DISC1: variants seen among roughly 807,000 people sequenced by gnomAD.
DISC1 encodes the protein disrupted in schizophrenia 1 protein.
Under a neutral mutation model 84.5 loss-of-function variants are expected in DISC1, and 57 were observed. The ratio of observed to expected loss-of-function variants is 0.67; its 90% CI spans 0.55 to 0.84. DISC1 has a LOEUF of 0.84. DISC1 is among the 40% of genes least tolerant of loss of function. The pLI is 0.00. For synonymous variants in DISC1, 411 were observed against 415.2 expected (o/e 0.99, Z 0.12); for missense variants, 1,000 against 1,057.8 (o/e 0.95, Z 0.76).
At chr1:232,021,139 T>C (rs1572659907) in intron 11 of DISC1, among the ~76,000 whole-genome samples, 1 of 152,096 alleles carries the variant, frequency 6.6e-6, no homozygotes, top group East Asian at 1.9e-4. Context: ...GAGACAGGAA[T>C]CTGTATATTT....
chr1:231,843,704 T>A (rs1000374651), intron 9 of DISC1, among the ~76,000 whole-genome samples: 1 of 152,090 alleles, frequency 6.6e-6, no homozygotes, highest in African/African-American at 2.4e-5. Context: ...GGAGATAAGA[T>A]AGAAGCTTAG....
intron 9 of DISC1, among the ~76,000 whole-genome samples, chr1:231,849,833 CA>C (rs1558648800): frequency 6.6e-6 from 1 of 152,172 alleles, no homozygotes; most frequent in East Asian, 1.9e-4. Context: ...AGCACATATG[CA>C]GTTTCTCCTA....
intron 9 of DISC1, among the ~76,000 whole-genome samples, chr1:231,839,048 C>T (rs1423764646): frequency 1.3e-5 from 2 of 152,144 alleles, no homozygotes; most frequent in African/African-American, 4.8e-5. Context: ...GGTATCAAGA[C>T]AGCAGAGATA....
Position 231,990,636 on chromosome 1 carries a change from C to T in DISC1, c.2043-18149C>T, listed in dbSNP as rs183270634. ...TTTCCGTCTCGCACTTGTGGGCTGCCATTCTTAAAGGAGTCACGTGTGGGC... is the reference window on the plus strand; with the variant it reads ...TTTCCGTCTCGCACTTGTGGGCTGCTATTCTTAAAGGAGTCACGTGTGGGC... On this transcript the variant is annotated intron_variant, in intron 10 of 12. Transcript: ENST00000439617. Among the ~76,000 whole-genome samples, 18 of 152,258 alleles carry T rather than the reference C, an allele frequency of 1.2e-4. No individual in the cohort carries two copies. In the East Asian group the frequency reaches 2.9e-3, roughly 25 times the overall value.
chr1:231,688,636 A>C (rs756380650), intron 1 of DISC1, among the ~76,000 whole-genome samples: 9 of 137,602 alleles, frequency 6.5e-5, no homozygotes, highest in Non-Finnish European at 9.4e-5. Context: ...CCATTAGTTT[A>C]ATTTCAAATT....
rs747907449 is a variant in DISC1, at chr1:231,749,910, C to G, written c.1118-16C>G. 1 of 1,614,136 alleles carries G rather than the reference C, an allele frequency of 6.2e-7. No individual in the cohort carries two copies. Among genetic ancestry groups the G allele is most frequent in the African/African-American group, 1.3e-5 (1 of 75,044 alleles). ...ATGGTTCTTTTTTCCTCTCTCTCAT[C>G]ATTTTGGGTTTCCAGCTGAGACGTT... On this transcript the variant is annotated splice_polypyrimidine_tract_variant and intron_variant, in intron 3 of 12. Coordinates refer to ENST00000439617, the MANE Select transcript of DISC1 (RefSeq NM_018662.3).
At chr1:231,816,457 T>A (rs1199357460) in intron 8 of DISC1, among the ~76,000 whole-genome samples, 2 of 152,224 alleles carry the variant, frequency 1.3e-5, no homozygotes, top group African/African-American at 4.8e-5. Flanking sequence ...TTTAAAATAG[T>A]GTTTTCTGTA....
chr1:231,651,272 T>C (rs2060600574), intron 1 of DISC1, among the ~76,000 whole-genome samples: 1 of 152,228 alleles, frequency 6.6e-6, no homozygotes, highest in African/African-American at 2.4e-5. Context: ...TTTTTGTTGA[T>C]GTTGATGCTA....
At chr1:231,975,647 T>C (rs143727516) in intron 10 of DISC1, among the ~76,000 whole-genome samples, 143 of 152,318 alleles carry the variant, frequency 9.4e-4, no homozygotes, top group African/African-American at 3.3e-3. Context: ...ATAAAAAGAA[T>C]GAAAGAATGA....
intron 2 of DISC1, among the ~76,000 whole-genome samples, chr1:231,700,014 G>T (rs551009583): frequency 6.6e-6 from 1 of 152,200 alleles, no homozygotes; most frequent in South Asian, 2.1e-4. Flanking sequence ...AGACAGCCTC[G>T]TGGTTCACTC....
At chr1:232,004,868 C>T in intron 10 of DISC1, among the ~76,000 whole-genome samples, 1 of 61,626 alleles carries the variant, frequency 1.6e-5, no homozygotes, top group Admixed American at 1.1e-4. Flanking sequence ...TCCCTCCCTG[C>T]CTCCCTCCCT....
Position 232,040,455 on chromosome 1 carries a change from T to A in DISC1, c.*3624T>A. The A allele has an allele frequency of 6.6e-6, 1 of 152,294 alleles. No individual in the cohort carries two copies. Among genetic ancestry groups the A allele is most frequent in the Non-Finnish European group, 1.5e-5 (1 of 68,036 alleles). The allele number at this position is 152,294 out of a possible 1,614,324, so 9.4% of individuals were successfully genotyped here. A position where few individuals can be genotyped will look rare whatever the true frequency, so the allele number is the denominator to read the frequency against. ...CCATGCTAAGCCCTTTACAGTCATATCCTATAATCCCCATATCAACCTTAT... is the reference window on the plus strand; with the variant it reads ...CCATGCTAAGCCCTTTACAGTCATAACCTATAATCCCCATATCAACCTTAT... On this transcript the variant is annotated 3_prime_UTR_variant, in exon 13 of 13. Transcript: ENST00000439617.
At position 231,875,999 on chromosome 1, in the gene DISC1, C is replaced by G. The variant is rs557204417; in HGVS notation, c.1981+57482C>G. On this transcript the variant is annotated intron_variant, in intron 9 of 12. Coordinates refer to ENST00000439617, the MANE Select transcript of DISC1 (RefSeq NM_018662.3). ...TGAACTAGTTTCTATTTGGAAATGA[C>G]TGATAAATGTGGGCTGAAAAGGCCC... 5.9e-5 allele frequency among the ~76,000 whole-genome samples: 9 copies of G among 152,284 alleles called. 1 individual carries two copies. Among genetic ancestry groups the G allele is most frequent in the African/African-American group, 2.2e-4 (9 of 41,544 alleles).
chr1:231,781,475 T>C (rs1419553556), intron 6 of DISC1, among the ~76,000 whole-genome samples: 1 of 152,174 alleles, frequency 6.6e-6, no homozygotes, highest in African/African-American at 2.4e-5. Flanking sequence ...TGGAGCCCCA[T>C]GGATTATCAA....
At chr1:231,809,398 T>G (rs916523850) in intron 8 of DISC1, among the ~76,000 whole-genome samples, 6 of 140,102 alleles carry the variant, frequency 4.3e-5, no homozygotes, top group African/African-American at 1.6e-4. Flanking sequence ...TCAGTTTGGA[T>G]ATATTTTTTT....
chr1:231,746,323 T>C (rs1293658812), intron 3 of DISC1, among the ~76,000 whole-genome samples: 1 of 152,252 alleles, frequency 6.6e-6, no homozygotes, highest in Non-Finnish European at 1.5e-5. Flanking sequence ...TGTGGATATA[T>C]ACCACATTTG....
chr1:232,015,226 C>T (rs1668369449), intron 11 of DISC1, among the ~76,000 whole-genome samples: 1 of 152,176 alleles, frequency 6.6e-6, no homozygotes, highest in South Asian at 2.1e-4. Flanking sequence ...GATCTGCTGG[C>T]TTCTCCTTCT....
At chr1:231,744,892 A>G (rs1374511914) in intron 3 of DISC1, among the ~76,000 whole-genome samples, 2 of 152,200 alleles carry the variant, frequency 1.3e-5, no homozygotes, top group Non-Finnish European at 2.9e-5. Context: ...TATCTACAGA[A>G]TCCTTCTCTC....
chr1:231,687,708 GC>G (rs2064467326), intron 1 of DISC1, among the ~76,000 whole-genome samples: 1 of 152,180 alleles, frequency 6.6e-6, no homozygotes. Context: ...CCAAGCTTAG[GC>G]CCAGGTTGTT....
Sources: allele counts gnomAD v4.1 joint callset (sites outside exome capture counted in the v4.1 genomes callset), GRCh38; gene constraint gnomAD v4.1.1; transcripts MANE v1.5; gene names NCBI Gene and HGNC (gene_info 2026-07-23, HGNC 2026-07-21).